The following HIBCH variants were observed in gnomAD, a reference collection of about 807,000 sequenced individuals.
HIBCH encodes 3-hydroxyisobutyryl-CoA hydrolase, mitochondrial.
HIBCH carries 50 observed loss-of-function variants against 58.2 expected under a neutral mutation model. That is an observed-to-expected ratio of 0.86 (90% CI 0.68 to 1.09). HIBCH has a LOEUF of 1.09. Among genes scored for constraint, HIBCH ranks in the 50% least tolerant of loss-of-function variants. HIBCH has a pLI of 0.00. For missense variants in HIBCH, 450 were observed against 449.7 expected, an observed-to-expected ratio of 1.00 and a Z score of -0.01; for synonymous variants, 151 against 146.9, an observed-to-expected ratio of 1.03 and a Z score of -0.20.
intron 6 of HIBCH, among the ~76,000 whole-genome samples, chr2:190,261,722 C>T (rs371025590): frequency 3.5e-4 from 53 of 152,308 alleles, no homozygotes; most frequent in African/African-American, 1.1e-3. Flanking sequence ...TCACTCTTCC[C>T]GCACTCGTTC....
At chr2:190,285,899 G>A (rs543000208) in intron 6 of HIBCH, among the ~76,000 whole-genome samples, 1 of 152,098 alleles carries the variant, frequency 6.6e-6, no homozygotes, top group African/African-American at 2.4e-5. Flanking sequence ...CCAGGCTGGA[G>A]TGCAGTGGCA....
intron 11 of HIBCH, among the ~76,000 whole-genome samples, chr2:190,242,047 C>T (rs1449965514): frequency 3.9e-5 from 6 of 152,122 alleles, no homozygotes; most frequent in Non-Finnish European, 8.8e-5. Context: ...GCACAATATC[C>T]TGAAGTGTGT....
chr2:190,260,602 A>AT (rs975694207), intron 7 of HIBCH: 4 of 152,564 alleles, frequency 2.6e-5, no homozygotes, highest in African/African-American at 9.6e-5. Context: ...TCACTACCTG[A>AT]TTTTAAGACT....
Position 190,204,035 on chromosome 2 carries a change from AAAC to A in HIBCH, c.*1079_*1081del, listed in dbSNP as rs1327188384. On this transcript the variant is annotated 3_prime_UTR_variant, in exon 14 of 14. Transcript: ENST00000359678. ...AAATTAAACAAAAATTACAAACAAA[AAAC>A]AAAATCATAAATTTTGTTTACTTTG... 4 of 152,044 alleles carry A rather than the reference AAAC, an allele frequency of 2.6e-5. No individual in the cohort carries two copies. Among genetic ancestry groups the A allele is most frequent in the South Asian group, 2.1e-4 (1 of 4,830 alleles). 9.4% of individuals were successfully genotyped at this position (152,044 alleles called of 1,614,324 possible).
chr2:190,303,982 G>A (rs1688337353), intron 2 of HIBCH, among the ~76,000 whole-genome samples: 1 of 152,090 alleles, frequency 6.6e-6, no homozygotes, highest in Non-Finnish European at 1.5e-5. Context: ...AAGCCCAGAT[G>A]AGATGGTATT....
rs955227439 is a variant in HIBCH, at chr2:190,205,052, G to A, written c.*65C>T. 3 of 828,638 alleles carry A rather than the reference G, an allele frequency of 3.6e-6. No individual in the cohort carries two copies. Among genetic ancestry groups the A allele is most frequent in the Non-Finnish European group, 6.3e-6 (3 of 477,816 alleles). 51.3% of individuals were successfully genotyped at this position (828,638 alleles called of 1,614,324 possible). A position where few individuals can be genotyped will look rare whatever the true frequency, so the allele number is the denominator to read the frequency against. ...GTATATAAAAACAGGCAGCAGGCTG[G>A]ATTTGGCCCACATGCTGTAGATTGC... On this transcript the variant is annotated 3_prime_UTR_variant, in exon 14 of 14. Transcript: ENST00000359678.
chr2:190,204,195 T>A lies in HIBCH; in HGVS notation c.*922A>T, dbSNP rs1352679400. The stretch of plus-strand genomic sequence containing the variant: ...TTCATTAACAATATCAATTATTGAA[T>A]ATATCTTTTGAACAAAAGTCTTCTT... On this transcript the variant is annotated 3_prime_UTR_variant, in exon 14 of 14. Transcript: ENST00000359678. 3 of 152,120 alleles carry A rather than the reference T, an allele frequency of 2.0e-5. No homozygotes were observed. Among genetic ancestry groups the A allele is most frequent in the Non-Finnish European group, 4.4e-5 (3 of 67,950 alleles). The allele number at this position is 152,120 out of a possible 1,614,324, so 9.4% of individuals were successfully genotyped here.
At chr2:190,278,119 C>G (rs1687603959) in intron 6 of HIBCH, among the ~76,000 whole-genome samples, 1 of 152,144 alleles carries the variant, frequency 6.6e-6, no homozygotes. Flanking sequence ...TCCCCTCCCC[C>G]TAGAATCATC....
At chr2:190,295,075 A>T (rs1688069870) in intron 3 of HIBCH, among the ~76,000 whole-genome samples, 1 of 152,248 alleles carries the variant, frequency 6.6e-6, no homozygotes, top group East Asian at 1.9e-4. Flanking sequence ...CGTAAGTAAC[A>T]TAGTGAAACC....
intron 6 of HIBCH, among the ~76,000 whole-genome samples, chr2:190,273,263 C>G (rs1457954882): frequency 6.6e-6 from 1 of 151,992 alleles, no homozygotes; most frequent in East Asian, 1.9e-4. Flanking sequence ...TGTGGTGGCA[C>G]GCGCCTGTAA....
chr2:190,283,159 A>G (rs1466407331), intron 6 of HIBCH, among the ~76,000 whole-genome samples: 1 of 152,210 alleles, frequency 6.6e-6, no homozygotes, highest in African/African-American at 2.4e-5. Context: ...TATGAGTTCT[A>G]AATTTCTCTT....
downstream of HIBCH, chr2:190,199,735 G>GATTACTGAAGT: frequency 2.7e-6 from 4 of 1,496,602 alleles, no homozygotes; most frequent in Non-Finnish European, 3.5e-6. Context: ...AGGGAACATT[G>GATTACTGAAGT]ATTACTGAAG....
At chr2:190,240,158 T>C (rs1686409235) in intron 11 of HIBCH, among the ~76,000 whole-genome samples, 2 of 152,216 alleles carry the variant, frequency 1.3e-5, no homozygotes, top group African/African-American at 4.8e-5. Context: ...AGGCCATTAA[T>C]TATTGCCTCA....
chr2:190,252,555 A>C (rs1686805855), intron 7 of HIBCH, among the ~76,000 whole-genome samples: 1 of 152,190 alleles, frequency 6.6e-6, no homozygotes, highest in Non-Finnish European at 1.5e-5. Flanking sequence ...ATTTGATGAC[A>C]CAATGTTTTG....
intron 11 of HIBCH, among the ~76,000 whole-genome samples, chr2:190,229,439 C>T (rs1055117054): frequency 6.6e-6 from 1 of 152,200 alleles, no homozygotes; most frequent in African/African-American, 2.4e-5. Context: ...TATTTCCAAT[C>T]TGCTAACATG....
At chr2:190,301,514 A>T (rs1688261334) in intron 2 of HIBCH, among the ~76,000 whole-genome samples, 1 of 152,188 alleles carries the variant, frequency 6.6e-6, no homozygotes, top group South Asian at 2.1e-4. Context: ...GCCTGACTAC[A>T]AAGGGGAAGC....
chr2:190,239,264 A>G (rs968111431), intron 11 of HIBCH, among the ~76,000 whole-genome samples: 20 of 152,294 alleles, frequency 1.3e-4, no homozygotes, highest in African/African-American at 4.1e-4. Flanking sequence ...GTCAAAGATC[A>G]GATGGTTGTA....
chr2:190,208,950 G>C, intron 12 of HIBCH, 37 bp from the exon 13 acceptor site: 1 of 1,591,912 alleles, frequency 6.3e-7, no homozygotes, highest in Non-Finnish European at 8.6e-7. Context: ...GATAATTTCT[G>C]GGTGTCCTTA....
chr2:190,307,721 A>T (rs1165710086), intron 2 of HIBCH, among the ~76,000 whole-genome samples: 1 of 152,146 alleles, frequency 6.6e-6, no homozygotes, highest in East Asian at 1.9e-4. Flanking sequence ...AAGAAAAAAA[A>T]ATATTTCCCT....
Sources: gnomAD v4.1 joint callset for allele counts (sites outside exome capture counted in the v4.1 genomes callset) on GRCh38, gnomAD v4.1.1 for gene constraint, MANE v1.5 for transcripts, NCBI Gene and HGNC (gene_info 2026-07-23, HGNC 2026-07-21) for gene names.